The following MCOLN1 variants were observed in gnomAD, a reference collection of about 807,000 sequenced individuals.
MCOLN1 encodes the protein mucolipin-1.
In MCOLN1, 50 loss-of-function variants were observed where a neutral mutation model predicts 70.3. The observed-to-expected ratio is 0.71, with a 90% CI of 0.57 to 0.90. MCOLN1 has a LOEUF of 0.90. Among genes scored for constraint, MCOLN1 ranks in the 40% least tolerant of loss-of-function variants. MCOLN1 has a pLI of 0.00. For synonymous variants in MCOLN1, 366 were observed against 341.0 expected, an observed-to-expected ratio of 1.07 and a Z score of -0.81; for missense variants, 598 against 803.5, an observed-to-expected ratio of 0.74 and a Z score of 3.09.
At position 7,526,742 on chromosome 19, in the gene MCOLN1, T is replaced by C; in HGVS notation, c.406-19T>C. On this transcript the variant is annotated intron_variant, in intron 3 of 13. Coordinates refer to ENST00000264079, the MANE Select transcript of MCOLN1 (RefSeq NM_020533.3). This position sits in a 1 kb window ranked among gnomAD's most constrained non-coding sequence, Gnocchi z 4.6. ...GAGAGCGGGCCGGACTCACAGGCCCTCCCCTTCTCTGCCCACAGTACCTGG... is the reference window on the plus strand; with the variant it reads ...GAGAGCGGGCCGGACTCACAGGCCCCCCCCTTCTCTGCCCACAGTACCTGG... The C allele has an allele frequency of 6.2e-7, 1 of 1,612,940 alleles. No homozygotes were observed. The highest frequency in any genetic ancestry group is 8.5e-7 in the Non-Finnish European group (1 of 1,179,958).
intron 4 of MCOLN1, chr19:7,527,245 C>G: frequency 1.9e-6 from 1 of 533,314 alleles, no homozygotes; most frequent in Non-Finnish European, 3.3e-6. Context: ...GCACTCCACC[C>G]TGGGTGACAG....
intron 11 of MCOLN1, 75 bp downstream of exon 11, chr19:7,529,787 C>A: frequency 6.3e-7 from 1 of 1,575,728 alleles, no homozygotes; most frequent in South Asian, 1.1e-5. Flanking sequence ...CAGATGACCC[C>A]TTGGTGACTG....
At chr19:7,527,154 C>T in intron 4 of MCOLN1, 1 of 626,308 alleles carries the variant, frequency 1.6e-6, no homozygotes, top group Non-Finnish European at 2.9e-6. Context: ...CCCCTGTGGT[C>T]CCAGCTACTC....
In MCOLN1 at chr19:7,529,848, C is replaced by T. The variant is rs985057165; in HGVS notation, c.1359+136C>T. 23 of 1,063,430 alleles carry T rather than the reference C, an allele frequency of 2.2e-5. No individual in the cohort carries two copies. The African/African-American group carries it at 2.5e-4, about 11-fold the overall frequency. 65.9% of individuals were successfully genotyped at this position (1,063,430 alleles called of 1,614,324 possible). A position where few individuals can be genotyped will look rare whatever the true frequency, so the allele number is the denominator to read the frequency against. The stretch of plus-strand genomic sequence containing the variant: ...TGGTCCTTGGTGACCCTGACACTGA[C>T]CCTGTGCCATTATTGTTGTCACAGT... On this transcript the variant is annotated intron_variant, in intron 11 of 13. Transcript: ENST00000264079.
intron 1 of MCOLN1, among the ~76,000 whole-genome samples, chr19:7,523,560 A>G (rs1303463665): frequency 6.6e-6 from 1 of 152,218 alleles, no homozygotes; most frequent in Admixed American, 6.5e-5. Context: ...CTGACAGTGC[A>G]CACATTTATC....
At chr19:7,522,940 GGTGGGCACCA>G (rs1214482250) in intron 1 of MCOLN1, among the ~76,000 whole-genome samples, 159 bp downstream of exon 1, 13 of 152,270 alleles carry the variant, frequency 8.5e-5, no homozygotes, top group African/African-American at 3.1e-4. Context: ...TTGGGCGGCG[GGTGGGCACCA>G]GCCTCTCCAA....
At position 7,525,206 on chromosome 19, in the gene MCOLN1, T is replaced by C. The variant is rs867634529; in HGVS notation, c.237+40T>C. ...GCAGGGGCCCCAGCTGAAGGCCACC[T>C]GTGGCTGCTGTGCTCCTTGAAGAGA... On this transcript the variant is annotated intron_variant, in intron 2 of 13. Coordinates refer to ENST00000264079, the MANE Select transcript of MCOLN1 (RefSeq NM_020533.3). This position sits in a 1 kb window ranked among gnomAD's most constrained non-coding sequence, Gnocchi z 4.2. 8.9e-6 allele frequency: 14 copies of C among 1,564,452 alleles called. No homozygotes were observed. Among genetic ancestry groups the C allele is most frequent in the Middle Eastern group, 3.3e-4 (2 of 5,980 alleles).
At position 7,527,098 on chromosome 19, in the gene MCOLN1, G is replaced by A. The variant is rs2022582586; in HGVS notation, c.571+172G>A. 7.4e-6 allele frequency: 6 copies of A among 808,218 alleles called. No homozygotes were observed. In the Admixed American group the frequency reaches 1.2e-4, roughly 16 times the overall value. The allele number at this position is 808,218 out of a possible 1,614,324, so 50.1% of individuals were successfully genotyped here. ...GAGACCAGCCTGGGCCACGTAGGAA[G>A]ACCTTGTCTCTACGCACAAACAAAT... On this transcript the variant is annotated intron_variant, in intron 4 of 13. Transcript: ENST00000264079.
At chr19:7,527,270 TCAA>T (rs2022585428) in intron 4 of MCOLN1, 8 of 242,252 alleles carry the variant, frequency 3.3e-5, no homozygotes, top group Middle Eastern at 1.1e-3. Context: ...AGACCCTGTC[TCAA>T]AAAAAAAAAA....
rs558082832 is a variant in MCOLN1 at position 7,529,494 on chromosome 19, C to T, written c.1237-96C>T. The T allele has an allele frequency of 3.6e-6, 5 of 1,376,462 alleles. No individual in the cohort carries two copies. The African/African-American group carries it at 4.3e-5, about 12-fold the overall frequency. The allele number at this position is 1,376,462 out of a possible 1,614,324, so 85.3% of individuals were successfully genotyped here. A position where few individuals can be genotyped will look rare whatever the true frequency, so the allele number is the denominator to read the frequency against. ...CCCATGACCACACCGGCTGTGCCCT[C>T]GGCAAGGCCCCGCCCCTCCCACCCC... On this transcript the variant is annotated intron_variant, in intron 10 of 13. Transcript: ENST00000264079.
intron 11 of MCOLN1, among the ~76,000 whole-genome samples, chr19:7,529,971 G>A (rs893145089): frequency 2.6e-5 from 4 of 152,186 alleles, no homozygotes; most frequent in African/African-American, 7.2e-5. Context: ...CCGTGGTCCC[G>A]GCCATTCACA....
rs2146023961 is a variant in MCOLN1, at chr19:7,527,909, C to T, written c.726C>T (p.Leu242=). The change falls in exon 6 of 14, where the codon CTC becomes CTT. Residue 242 remains leucine, a synonymous_variant. Transcript: ENST00000264079. ...ACTTCCGGCTGAAGACCATTAACCTCCAGAGCCTCATCAATAATGAGATCC... is the reference window on the plus strand; with the variant it reads ...ACTTCCGGCTGAAGACCATTAACCTTCAGAGCCTCATCAATAATGAGATCC... ...TIHFRLKTIN[L]QSLINNEIPD... is the part of the protein sequence containing the mutation. The T allele has an allele frequency of 6.2e-7, 1 of 1,614,214 alleles. No homozygotes were observed. The highest frequency in any genetic ancestry group is 1.3e-5 in the African/African-American group (1 of 75,056).
At position 7,533,737 on chromosome 19, in the gene MCOLN1, C is replaced by T. The variant is rs371643866; in HGVS notation, c.1707-22C>T. On this transcript the variant is annotated intron_variant, in intron 13 of 13. Coordinates refer to ENST00000264079, the MANE Select transcript of MCOLN1 (RefSeq NM_020533.3). ...CGAGCCAGAGAAAACTGACGCCCCT[C>T]TTCCCTGCTTCCTTCCTCCAGGGAC... 1.2e-5 allele frequency: 19 copies of T among 1,614,070 alleles called. No individual in the cohort carries two copies. The South Asian group carries it at 2.0e-4, about 17-fold the overall frequency.
chr19:7,527,281 A>AC lies in MCOLN1; in HGVS notation c.572-239_572-238insC. ...AGTGAGACCCTGTCTCAAAAAAAAA[A>AC]AAAAAAAAAAAAAACAAGTATGCTT... On this transcript the variant is annotated intron_variant, in intron 4 of 13. Transcript: ENST00000264079. 6 of 542,230 alleles carry AC rather than the reference A, an allele frequency of 1.1e-5. No individual in the cohort carries two copies. In the East Asian group the frequency reaches 2.0e-4, roughly 18 times the overall value. 33.6% of individuals were successfully genotyped at this position (542,230 alleles called of 1,614,324 possible). A position where few individuals can be genotyped will look rare whatever the true frequency, so the allele number is the denominator to read the frequency against.
Position 7,533,597 on chromosome 19 carries a change from C to T in MCOLN1, c.1650C>T (p.Ser550=), listed in dbSNP as rs749335667. Residue 550 remains serine (S), a synonymous_variant, in exon 13 of 14, where the codon TCC becomes TCT. Transcript: ENST00000264079. ...CACAGTGCCAGGACAGCCCCACCTC[C>T]GGCAAGTTCCGCCGCGGGAGCGGCT... ...YIAQCQDSPT[S]GKFRRGSGSA... is the part of the protein sequence containing the mutation. The T allele has an allele frequency of 1.5e-5, 25 of 1,613,458 alleles. No individual in the cohort carries two copies. The Admixed American group carries it at 2.5e-4, about 16-fold the overall frequency.
chr19:7,529,453 T>A, intron 10 of MCOLN1, 137 bp from the exon 11 acceptor site: 1 of 1,168,738 alleles, frequency 8.6e-7, no homozygotes, highest in Non-Finnish European at 1.2e-6. Flanking sequence ...ACGCCCCCTC[T>A]AGGCACCCAC....
chr19:7,528,310 G>T lies in MCOLN1; in HGVS notation c.877+53G>T. The T allele has an allele frequency of 1.3e-6, 2 of 1,550,086 alleles. No homozygotes were observed. Among genetic ancestry groups the T allele is most frequent in the Non-Finnish European group, 1.8e-6 (2 of 1,123,214 alleles). On this transcript the variant is annotated intron_variant, in intron 7 of 13. Transcript: ENST00000264079. This position sits in a 1 kb window ranked among gnomAD's most constrained non-coding sequence, Gnocchi z 4.2. Reference sequence around the variant, plus strand: ...TGACCAGGGGCCCTGGCCTGTCCTGGGATTCCCCAAGCCCCAGATCAGCGC... The same window carrying T: ...TGACCAGGGGCCCTGGCCTGTCCTGTGATTCCCCAAGCCCCAGATCAGCGC...
Position 7,530,269 on chromosome 19 carries a change from C to T in MCOLN1, c.1360-17C>T, listed in dbSNP as rs764264222. 7.5e-6 allele frequency: 12 copies of T among 1,608,710 alleles called. No individual in the cohort carries two copies. The highest frequency in any genetic ancestry group is 4.4e-5 in the South Asian group (4 of 91,018). The stretch of plus-strand genomic sequence containing the variant: ...GCCATGCCTTGGCTCCCTCTGACCC[C>T]GCCGCCCCTCTGGCAGTTCCGCTCA... On this transcript the variant is annotated splice_polypyrimidine_tract_variant and intron_variant, in intron 11 of 13. Coordinates refer to ENST00000264079, the MANE Select transcript of MCOLN1 (RefSeq NM_020533.3).
Position 7,533,638 on chromosome 19 carries a change from TCTG to T in MCOLN1, c.1699_1701del (p.Cys567del), listed in dbSNP as rs2022704795. On this transcript the variant is annotated inframe_deletion, in exon 13 of 14. Transcript: ENST00000264079. ...GGGAGCGGCTCGGCCTGCAGCCTTC[TCTG>T]CTGCTGCGGAAGGTTCGAGTCCCGG... 6.2e-7 allele frequency: 1 copy of T among 1,613,138 alleles called. No homozygotes were observed. The highest frequency in any genetic ancestry group is 8.5e-7 in the Non-Finnish European group (1 of 1,179,892).
Sources: gnomAD v4.1 joint callset for allele counts (sites outside exome capture counted in the v4.1 genomes callset) on GRCh38, gnomAD v4.1.1 for gene constraint, Gnocchi (gnomAD v3.1) non-coding constraint, MANE v1.5 for transcripts, NCBI Gene and HGNC (gene_info 2026-07-23, HGNC 2026-07-21) for gene names.